The following EYA4 variants were observed in gnomAD, a reference collection of about 807,000 sequenced individuals.
EYA4 encodes the protein protein phosphatase EYA4.
EYA4 carries 31 observed loss-of-function variants against 87.9 expected under a neutral mutation model. The observed-to-expected ratio is 0.35, with a 90% CI of 0.27 to 0.48. The LOEUF is 0.48. Ranked by LOEUF, EYA4 falls within the 20% of genes least tolerant of loss-of-function variation. The pLI, the probability that EYA4 is intolerant of heterozygous loss-of-function variation, is 0.99. For synonymous variants in EYA4, 263 were observed against 270.6 expected, an observed-to-expected ratio of 0.97 and a Z score of 0.28; for missense variants, 678 against 761.4, an observed-to-expected ratio of 0.89 and a Z score of 1.29.
intron 17 of EYA4, among the ~76,000 whole-genome samples, chr6:133,515,690 A>C (rs1277967629): frequency 4.0e-5 from 6 of 151,240 alleles, no homozygotes; most frequent in Admixed American, 4.0e-4. Context: ...TCTCAGAATA[A>C]ACAGGAGACC....
At chr6:133,405,207 A>C (rs541439553) in intron 3 of EYA4, among the ~76,000 whole-genome samples, 1 of 152,210 alleles carries the variant, frequency 6.6e-6, no homozygotes, top group South Asian at 2.1e-4. Flanking sequence ...GGTAGGTAGC[A>C]TTTTATCTGT....
chr6:133,368,363 AG>A (rs1034724660), intron 2 of EYA4, among the ~76,000 whole-genome samples: 33 of 152,180 alleles, frequency 2.2e-4, no homozygotes, highest in Non-Finnish European at 5.9e-5. Context: ...ATTCTCCCAG[AG>A]TTTTAGGCAA....
Position 133,423,863 on chromosome 6 carries a change from G to A in EYA4, c.84-22767G>A, listed in dbSNP as rs555586236. ...TTTCTAGCCAGAAACCTCTGTGACC[G>A]TGGCGCCTTTACCCAGGTTCTTGTC... is the stretch of plus-strand genomic sequence containing the variant. On this transcript the variant is annotated intron_variant, in intron 3 of 19. Coordinates refer to ENST00000355286, the MANE Select transcript of EYA4 (RefSeq NM_004100.5). Among the ~76,000 whole-genome samples, 10 of 152,302 alleles carry A rather than the reference G, an allele frequency of 6.6e-5. 1 individual carries two copies. Among genetic ancestry groups the A allele is most frequent in the South Asian group, 4.1e-4 (2 of 4,834 alleles).
At chr6:133,349,208 T>A (rs2128421767) in intron 2 of EYA4, among the ~76,000 whole-genome samples, 1 of 152,354 alleles carries the variant, frequency 6.6e-6, no homozygotes, top group African/African-American at 2.4e-5. Context: ...AAGCTTTCCC[T>A]GACTACCCAT....
intron 3 of EYA4, among the ~76,000 whole-genome samples, chr6:133,428,435 G>A (rs1433899480): frequency 6.6e-6 from 1 of 152,168 alleles, no homozygotes; most frequent in Non-Finnish European, 1.5e-5. Flanking sequence ...CCAGGAAAGA[G>A]TAGTTGTATC....
At chr6:133,259,690 A>T (rs997997563) in intron 1 of EYA4, among the ~76,000 whole-genome samples, 1 of 152,200 alleles carries the variant, frequency 6.6e-6, no homozygotes, top group Non-Finnish European at 1.5e-5. Context: ...ACACAATTCA[A>T]ATCAGTAACT....
In EYA4 at chr6:133,399,388, A is replaced by G. The variant is rs150256958; in HGVS notation, c.83+16947A>G. On this transcript the variant is annotated intron_variant, in intron 3 of 19. Coordinates refer to ENST00000355286, the MANE Select transcript of EYA4 (RefSeq NM_004100.5). ...GAGAAACTGATACACAGTATTATTC[A>G]TTATCTGGTTAGTTCACTAGATCAA... is the stretch of plus-strand genomic sequence containing the variant. Among the ~76,000 whole-genome samples, 447 of 152,240 alleles carry G rather than the reference A, an allele frequency of 2.9e-3. 4 individuals carry two copies. The highest frequency in any genetic ancestry group is 0.01 in the African/African-American group (425 of 41,552).
At chr6:133,417,665 A>G (rs1789845281) in intron 3 of EYA4, among the ~76,000 whole-genome samples, 1 of 151,786 alleles carries the variant, frequency 6.6e-6, no homozygotes, top group Non-Finnish European at 1.5e-5. Context: ...TATTCATAAC[A>G]TGCATATCAC....
chr6:133,363,343 G>T (rs991668685), intron 2 of EYA4: 1 of 152,252 alleles, frequency 6.6e-6, no homozygotes, highest in Non-Finnish European at 1.5e-5. Flanking sequence ...GCTGATTGGA[G>T]CCTCTTGCAA....
At chr6:133,281,967 G>A (rs1342545314) in intron 2 of EYA4, among the ~76,000 whole-genome samples, 1 of 151,980 alleles carries the variant, frequency 6.6e-6, no homozygotes, top group Middle Eastern at 3.4e-3. Context: ...TTTTATGGCT[G>A]TATAGTATCC....
In EYA4 at chr6:133,382,374, A is replaced by G. The variant is rs964554810; in HGVS notation, c.34-18A>G. 1 of 1,565,330 alleles carries G rather than the reference A, an allele frequency of 6.4e-7. No individual in the cohort carries two copies. On this transcript the variant is annotated intron_variant, in intron 2 of 19. Coordinates refer to ENST00000355286, the MANE Select transcript of EYA4 (RefSeq NM_004100.5). Reference sequence around the variant, plus strand: ...GTTGTATTTTCATATGAGAATAACTAGTACTCTTTTCTTACAGGTAAAGAA... The same window carrying G: ...GTTGTATTTTCATATGAGAATAACTGGTACTCTTTTCTTACAGGTAAAGAA...
chr6:133,271,935 A>T (rs760048624), intron 1 of EYA4, among the ~76,000 whole-genome samples: 2 of 152,212 alleles, frequency 1.3e-5, no homozygotes, highest in Non-Finnish European at 2.9e-5. Flanking sequence ...AGAGAGGTCT[A>T]TTCACATATC....
At chr6:133,485,757 C>A (rs1796635761) in intron 13 of EYA4, among the ~76,000 whole-genome samples, 1 of 152,120 alleles carries the variant, frequency 6.6e-6, no homozygotes, top group African/African-American at 2.4e-5. Flanking sequence ...AAGAAATATT[C>A]CATGAAATAG....
chr6:133,477,480 AGTT>A (rs1426179269), intron 11 of EYA4, among the ~76,000 whole-genome samples: 1 of 151,788 alleles, frequency 6.6e-6, no homozygotes, highest in Non-Finnish European at 1.5e-5. Context: ...TTTACTATTG[AGTT>A]GTTTAAGTTC....
chr6:133,480,099 T>G (rs898264314), intron 11 of EYA4, among the ~76,000 whole-genome samples: 3 of 152,106 alleles, frequency 2.0e-5, no homozygotes, highest in African/African-American at 7.2e-5. Context: ...CCCCAGATTG[T>G]GTGGAGTGAA....
At chr6:133,477,049 C>T (rs1795804467) in intron 11 of EYA4, among the ~76,000 whole-genome samples, 1 of 152,088 alleles carries the variant, frequency 6.6e-6, no homozygotes, top group South Asian at 2.1e-4. Flanking sequence ...CTTCCTGCCA[C>T]CTTGTGAAGA....
chr6:133,473,691 C>T (rs1040659547), intron 11 of EYA4, among the ~76,000 whole-genome samples: 1 of 151,910 alleles, frequency 6.6e-6, no homozygotes, highest in African/African-American at 2.4e-5. Context: ...GCACACAGCC[C>T]CTTTGAATTT....
At chr6:133,248,951 T>A (rs765747038) in intron 1 of EYA4, 1 of 152,184 alleles carries the variant, frequency 6.6e-6, no homozygotes, top group Non-Finnish European at 1.5e-5. Context: ...AGTTGACTCA[T>A]GAAGAATTTT....
At chr6:133,516,898 T>G (rs1053441992) in intron 17 of EYA4, among the ~76,000 whole-genome samples, 1 of 152,210 alleles carries the variant, frequency 6.6e-6, no homozygotes, top group African/African-American at 2.4e-5. Context: ...GTACCACATT[T>G]TCTTTATCCA....
Sources: allele counts gnomAD v4.1 joint callset (sites outside exome capture counted in the v4.1 genomes callset), GRCh38; gene constraint gnomAD v4.1.1; transcripts MANE v1.5; gene names NCBI Gene and HGNC (gene_info 2026-07-23, HGNC 2026-07-21).